DPP6: variants seen among roughly 807,000 people sequenced by gnomAD.
DPP6 encodes A-type potassium channel modulatory protein DPP6.
Under a neutral mutation model 122.6 loss-of-function variants are expected in DPP6, and 69 were observed. The observed-to-expected ratio is 0.56, with a 90% CI of 0.46 to 0.69. DPP6 has a LOEUF of 0.69. Among genes scored for constraint, DPP6 ranks in the 30% least tolerant of loss-of-function variants. The pLI is 0.00. For synonymous variants in DPP6, 418 were observed against 433.1 expected (o/e 0.97, Z 0.43); for missense variants, 928 against 1,116.9 (o/e 0.83, Z 2.41).
intron 16 of DPP6, among the ~76,000 whole-genome samples, chr7:154,820,651 C>A (rs961984165): frequency 3.9e-5 from 6 of 152,064 alleles, no homozygotes; most frequent in Admixed American, 3.9e-4. Flanking sequence ...GACCCAAGAA[C>A]TGGACAAAGA....
intron 7 of DPP6, among the ~76,000 whole-genome samples, chr7:154,718,606 G>C (rs1418766195): frequency 1.3e-5 from 2 of 149,738 alleles, no homozygotes; most frequent in African/African-American, 4.9e-5. Flanking sequence ...TTTAAAGCTG[G>C]CTTGCCTGGG....
At chr7:154,331,925 G>A (rs1002530093) in intron 1 of DPP6, among the ~76,000 whole-genome samples, 10 of 152,184 alleles carry the variant, frequency 6.6e-5, no homozygotes, top group African/African-American at 2.4e-4. Context: ...TGGAATGTGG[G>A]TTTATTTGGG....
At chr7:154,021,226 C>G (rs1179138919) in intron 1 of DPP6, among the ~76,000 whole-genome samples, 2 of 152,116 alleles carry the variant, frequency 1.3e-5, no homozygotes, top group African/African-American at 2.4e-5. Flanking sequence ...CATTGATCAC[C>G]CATGCACCTC....
intron 17 of DPP6, among the ~76,000 whole-genome samples, chr7:154,859,730 TCAAA>T (rs530559713): frequency 1.3e-5 from 2 of 152,162 alleles, no homozygotes; most frequent in South Asian, 2.1e-4. Flanking sequence ...GCCTGGATAT[TCAAA>T]CAAACAACTT....
chr7:154,795,229 C>A (rs564495486), intron 11 of DPP6, among the ~76,000 whole-genome samples: 1 of 152,272 alleles, frequency 6.6e-6, no homozygotes, highest in East Asian at 1.9e-4. Context: ...GAGGCCTGCT[C>A]CAGGGGCCCG....
At chr7:154,513,376 A>C (rs1286907928) in intron 3 of DPP6, among the ~76,000 whole-genome samples, 1 of 152,196 alleles carries the variant, frequency 6.6e-6, no homozygotes, top group Non-Finnish European at 1.5e-5. Flanking sequence ...AATTGCCCCA[A>C]ACTTTCCTCT....
intron 1 of DPP6, among the ~76,000 whole-genome samples, chr7:154,295,594 T>C (rs1240907809): frequency 6.6e-6 from 1 of 152,188 alleles, no homozygotes; most frequent in African/African-American, 2.4e-5. Context: ...TCAATGATCC[T>C]AGCAAGAACT....
intron 8 of DPP6, among the ~76,000 whole-genome samples, chr7:154,765,142 TA>T (rs1229745010): frequency 1.3e-5 from 2 of 152,214 alleles, no homozygotes; most frequent in Admixed American, 6.5e-5. Flanking sequence ...TTATTTCACT[TA>T]GCACAAGTCC....
chr7:154,182,563 G>A lies in DPP6; in HGVS notation c.243+129500G>A, dbSNP rs1054053107. Among the ~76,000 whole-genome samples, 4 of 152,162 alleles carry A rather than the reference G, an allele frequency of 2.6e-5. No individual in the cohort carries two copies. The East Asian group carries it at 5.8e-4, about 22-fold the overall frequency. On this transcript the variant is annotated intron_variant, in intron 1 of 25. Transcript: ENST00000377770. ...AGGATAATGTAACATGTGCCCGGGG[G>A]AGGTGGGCTGGAAATGTTTGGCAGC...
At chr7:154,410,911 T>C (rs988165141) in intron 1 of DPP6, among the ~76,000 whole-genome samples, 11 of 152,308 alleles carry the variant, frequency 7.2e-5, no homozygotes, top group African/African-American at 2.4e-4. Flanking sequence ...TACAGTTTGG[T>C]TCCCTGAAAA....
intron 4 of DPP6, among the ~76,000 whole-genome samples, chr7:154,553,095 A>G (rs1829751223): frequency 6.6e-6 from 1 of 152,246 alleles, no homozygotes; most frequent in African/African-American, 2.4e-5. Context: ...ACTGTAACCA[A>G]TAAGAAAGGG....
At chr7:154,018,104 A>G (rs1798517082) in intron 1 of DPP6, among the ~76,000 whole-genome samples, 1 of 152,070 alleles carries the variant, frequency 6.6e-6, no homozygotes, top group Non-Finnish European at 1.5e-5. Flanking sequence ...TAGCCACAGC[A>G]GGGTGATTTG....
intron 1 of DPP6, among the ~76,000 whole-genome samples, chr7:154,123,746 C>T (rs1185177183): frequency 1.5e-5 from 2 of 136,484 alleles, no homozygotes; most frequent in South Asian, 5.0e-4. Flanking sequence ...GCTGCCCGCT[C>T]GTGGGGCTTA....
At position 154,410,515 on chromosome 7, in the gene DPP6, G is replaced by A. The variant is rs544475139; in HGVS notation, c.244-35699G>A. Among the ~76,000 whole-genome samples the A allele has an allele frequency of 2.6e-4, 39 of 152,300 alleles. No homozygotes were observed. In the South Asian group the frequency reaches 6.0e-3, roughly 23 times the overall value. On this transcript the variant is annotated intron_variant, in intron 1 of 25. Coordinates refer to ENST00000377770, the MANE Select transcript of DPP6 (RefSeq NM_130797.4). ...TTTGATTCTGTGCATGCATTTGATA[G>A]TACACCTCCTTGGATAACCAATATT...
At chr7:154,094,433 A>C (rs1385585378) in intron 1 of DPP6, 1 of 152,386 alleles carries the variant, frequency 6.6e-6, no homozygotes, top group African/African-American at 2.4e-5. Context: ...GGTTCGGCGC[A>C]GGGAGAGCTG....
chr7:154,072,903 A>G (rs1390786071), intron 1 of DPP6, among the ~76,000 whole-genome samples: 2 of 152,252 alleles, frequency 1.3e-5, no homozygotes, highest in African/African-American at 2.4e-5. Flanking sequence ...TCCCACGGGT[A>G]TGGTTGTCTG....
intron 1 of DPP6, among the ~76,000 whole-genome samples, chr7:154,177,150 C>T (rs1398321059): frequency 6.6e-6 from 1 of 152,046 alleles, no homozygotes; most frequent in African/African-American, 2.4e-5. Flanking sequence ...ATTTTCTATT[C>T]GCTGGGGAGT....
chr7:154,690,313 A>G (rs536377861), intron 7 of DPP6, among the ~76,000 whole-genome samples: 44 of 152,210 alleles, frequency 2.9e-4, no homozygotes, highest in African/African-American at 8.4e-4. Flanking sequence ...CTGCATTTGA[A>G]CCAATGTCGG....
intron 1 of DPP6, among the ~76,000 whole-genome samples, chr7:153,971,446 A>G (rs187135796): frequency 6.8e-6 from 1 of 147,812 alleles, no homozygotes; most frequent in Non-Finnish European, 1.5e-5. Context: ...TACACTGGCT[A>G]GGACTGCCAG....
Sources: gnomAD v4.1 joint callset for allele counts (sites outside exome capture counted in the v4.1 genomes callset) on GRCh38, gnomAD v4.1.1 for gene constraint, MANE v1.5 for transcripts, NCBI Gene and HGNC (gene_info 2026-07-23, HGNC 2026-07-21) for gene names.